The following TMCC1 variants were observed in gnomAD, a reference collection of about 807,000 sequenced individuals.
TMCC1 encodes transmembrane and coiled-coil domains protein 1.
Under a neutral mutation model 52.4 loss-of-function variants are expected in TMCC1, and 15 were observed. That is an observed-to-expected ratio of 0.29 (90% CI 0.19 to 0.44). The LOEUF (loss-of-function observed/expected upper bound fraction) is 0.44, where lower values mean the gene tolerates loss of function less well. TMCC1 is among the 20% of genes least tolerant of loss of function. TMCC1 has a pLI of 1.00. For synonymous variants in TMCC1, 279 were observed against 301.9 expected, an observed-to-expected ratio of 0.92 and a Z score of 0.79; for missense variants, 503 against 806.0, an observed-to-expected ratio of 0.62 and a Z score of 4.55.
chr3:129,889,102 T>A (rs1014145863), intron 1 of TMCC1, among the ~76,000 whole-genome samples: 1 of 152,048 alleles, frequency 6.6e-6, no homozygotes, highest in Non-Finnish European at 1.5e-5. Context: ...TGAAACCCCA[T>A]CTCTACAAAA....
chr3:129,732,644 A>G (rs561763444), intron 4 of TMCC1, among the ~76,000 whole-genome samples: 38 of 152,190 alleles, frequency 2.5e-4, no homozygotes, highest in African/African-American at 8.4e-4. Flanking sequence ...AATTTCCATA[A>G]TAGTGCCTTT....
intron 4 of TMCC1, among the ~76,000 whole-genome samples, chr3:129,708,816 GTC>G (rs1445719336): frequency 2.0e-5 from 3 of 152,092 alleles, no homozygotes; most frequent in Non-Finnish European, 4.4e-5. Context: ...TATCACAAAA[GTC>G]TCTGTTAAAT....
chr3:129,714,058 T>G (rs2048890710), intron 4 of TMCC1, among the ~76,000 whole-genome samples: 1 of 152,140 alleles, frequency 6.6e-6, no homozygotes, highest in Non-Finnish European at 1.5e-5. Flanking sequence ...AACTGATAAT[T>G]GTAAAATAGG....
intron 4 of TMCC1, among the ~76,000 whole-genome samples, chr3:129,815,987 A>G (rs1281918504): frequency 6.6e-6 from 1 of 152,214 alleles, no homozygotes; most frequent in Non-Finnish European, 1.5e-5. Context: ...ATATGAAAAA[A>G]TGCTCAATAT....
chr3:129,704,094 A>T (rs774627016), intron 4 of TMCC1, among the ~76,000 whole-genome samples: 14 of 152,266 alleles, frequency 9.2e-5, no homozygotes, highest in Non-Finnish European at 1.5e-4. Flanking sequence ...GAGATGGAGA[A>T]GAATGAATGA....
intron 4 of TMCC1, among the ~76,000 whole-genome samples, chr3:129,735,136 C>T (rs2050847169): frequency 6.6e-6 from 1 of 152,118 alleles, no homozygotes; most frequent in South Asian, 2.1e-4. Context: ...CTCCTGACCT[C>T]ATGACCCGCC....
In TMCC1 at chr3:129,747,642, T is replaced by C. The variant is rs116302527; in HGVS notation, c.577-76378A>G. On this transcript the variant is annotated intron_variant, in intron 4 of 6. Transcript: ENST00000393238. ...CTCCTTCCATATGTAACCAATCTTC[T>C]ATCTCTGCAGCTACCACCTCCCTGG... Among the ~76,000 whole-genome samples the C allele has an allele frequency of 4.6e-3, 693 of 152,218 alleles. 8 individuals are homozygous for C. The highest frequency in any genetic ancestry group is 0.016 in the African/African-American group (657 of 41,522).
intron 4 of TMCC1, among the ~76,000 whole-genome samples, chr3:129,713,201 G>A (rs2048832650): frequency 6.6e-6 from 1 of 152,224 alleles, no homozygotes; most frequent in Admixed American, 6.5e-5. Context: ...GAAGGAGGCT[G>A]TAGTGAGCAG....
intron 4 of TMCC1, among the ~76,000 whole-genome samples, chr3:129,785,156 A>G (rs1022655852): frequency 1.3e-5 from 2 of 152,210 alleles, no homozygotes; most frequent in African/African-American, 4.8e-5. Context: ...TGGGGCTTCA[A>G]GATGAACAAG....
chr3:129,850,392 T>C (rs1223051527), intron 2 of TMCC1, among the ~76,000 whole-genome samples: 1 of 152,252 alleles, frequency 6.6e-6, no homozygotes, highest in East Asian at 1.9e-4. Context: ...AGATGTTTAA[T>C]TTCACATTCT....
At chr3:129,892,141 A>AT (rs2061996082) in intron 1 of TMCC1, among the ~76,000 whole-genome samples, 1 of 152,154 alleles carries the variant, frequency 6.6e-6, no homozygotes, top group Non-Finnish European at 1.5e-5. Context: ...CATAATTATA[A>AT]CAGTTCTACA....
At chr3:129,798,816 T>C (rs2057013596) in intron 4 of TMCC1, among the ~76,000 whole-genome samples, 1 of 152,228 alleles carries the variant, frequency 6.6e-6, no homozygotes. Flanking sequence ...TTAGTTACTG[T>C]CTACATTTAA....
At chr3:129,842,753 G>A (rs1247039835) in intron 2 of TMCC1, among the ~76,000 whole-genome samples, 2 of 152,118 alleles carry the variant, frequency 1.3e-5, no homozygotes, top group Admixed American at 1.3e-4. Context: ...TTAGGAAAGT[G>A]CCTCCAAATA....
At position 129,890,578 on chromosome 3, in the gene TMCC1, A is replaced by G. The variant is rs553371199; in HGVS notation, c.-435+2916T>C. 9.1e-4 allele frequency among the ~76,000 whole-genome samples: 138 copies of G among 152,346 alleles called. 2 individuals carry two copies. Among genetic ancestry groups the G allele is most frequent in the Non-Finnish European group, 4.3e-4 (29 of 68,032 alleles). On this transcript the variant is annotated intron_variant, in intron 1 of 6. Transcript: ENST00000393238. ...AAAAATAGAATTAAACCCTGCATGG[A>G]AACAGGAACATGTCAAAATTCTATA...
intron 2 of TMCC1, among the ~76,000 whole-genome samples, chr3:129,879,023 T>C (rs1275983963): frequency 6.6e-6 from 1 of 152,210 alleles, no homozygotes; most frequent in East Asian, 1.9e-4. Context: ...AAATGTCACC[T>C]TCTGTATGAA....
intron 5 of TMCC1, among the ~76,000 whole-genome samples, chr3:129,659,086 CTTTCTTTCTTTTTTTT>C (rs1405674028): frequency 3.5e-5 from 5 of 143,764 alleles, no homozygotes; most frequent in Admixed American, 7.0e-5. Context: ...TTTCCTTTTT[CTTTCTTTCTTTTTTTT>C]TTTTTTTTTT....
rs147061845 is a variant in TMCC1, at chr3:129,746,739, T to C, written c.577-75475A>G. Among the ~76,000 whole-genome samples, 7 of 152,338 alleles carry C rather than the reference T, an allele frequency of 4.6e-5. No homozygotes were observed. In the East Asian group the frequency reaches 1.3e-3, roughly 29 times the overall value. On this transcript the variant is annotated intron_variant, in intron 4 of 6. Coordinates refer to ENST00000393238, the MANE Select transcript of TMCC1 (RefSeq NM_001017395.5). ...ATTCTCAATAGTTTAAAATTCCCTA[T>C]ACCTAATTCCCCTATATTCTTTACA...
At position 129,647,838 on chromosome 3, in the gene TMCC1, C is replaced by T. The variant is rs868123003; in HGVS notation, c.*3643G>A. On this transcript the variant is annotated 3_prime_UTR_variant, in exon 7 of 7. Coordinates refer to ENST00000393238, the MANE Select transcript of TMCC1 (RefSeq NM_001017395.5). Reference sequence around the variant, plus strand: ...TCAATTTCTATATACAGTAAAAGTGCTGCTGAGAATCTGCAGCGACCAGAC... The same window carrying T: ...TCAATTTCTATATACAGTAAAAGTGTTGCTGAGAATCTGCAGCGACCAGAC... The T allele has an allele frequency of 6.6e-6, 1 of 152,616 alleles. No individual in the cohort carries two copies. Among genetic ancestry groups the T allele is most frequent in the South Asian group, 2.1e-4 (1 of 4,832 alleles). The allele number at this position is 152,616 out of a possible 1,614,324, so 9.5% of individuals were successfully genotyped here. A position where few individuals can be genotyped will look rare whatever the true frequency, so the allele number is the denominator to read the frequency against.
chr3:129,749,478 A>T (rs1359110670), intron 4 of TMCC1, among the ~76,000 whole-genome samples: 2 of 152,170 alleles, frequency 1.3e-5, no homozygotes, highest in Non-Finnish European at 2.9e-5. Context: ...TGAGATGCTT[A>T]ATCTTGCTTT....
Sources: gnomAD v4.1 joint callset for allele counts (sites outside exome capture counted in the v4.1 genomes callset) on GRCh38, gnomAD v4.1.1 for gene constraint, MANE v1.5 for transcripts, NCBI Gene and HGNC (gene_info 2026-07-23, HGNC 2026-07-21) for gene names.